Variants in EPN3 observed in about 807,000 individuals in gnomAD.
The protein encoded by EPN3 is epsin 3.
A neutral mutation model predicts 55.5 loss-of-function variants in EPN3; 56 were observed. The observed-to-expected ratio is 1.01, with a 90% CI of 0.81 to 1.26. The LOEUF (loss-of-function observed/expected upper bound fraction) is 1.26. Among genes scored for constraint, EPN3 ranks in the 50% most tolerant of loss-of-function variants. EPN3 has a pLI of 0.00. For missense variants in EPN3, 927 were observed against 853.4 expected (o/e 1.09, Z -1.07); for synonymous variants, 449 against 375.2 (o/e 1.20, Z -2.27).
At chr17:50,533,674 G>A (rs896718387) in intron 1 of EPN3, among the ~76,000 whole-genome samples, 3 of 152,152 alleles carry the variant, frequency 2.0e-5, no homozygotes, top group African/African-American at 4.8e-5. Flanking sequence ...GCCCTGAGAA[G>A]AGCAGCCCCT....
intron 6 of EPN3, among the ~76,000 whole-genome samples, 193 bp from the exon 7 acceptor site, chr17:50,540,600 G>A (rs2068615998): frequency 2.0e-5 from 3 of 152,194 alleles, no homozygotes; most frequent in Admixed American, 2.0e-4. Flanking sequence ...GGCCTGAGTC[G>A]CCCACACCTG....
In EPN3 at chr17:50,542,207, C is replaced by T; in HGVS notation, c.*50C>T. 2 of 1,413,818 alleles carry T rather than the reference C, an allele frequency of 1.4e-6. No individual in the cohort carries two copies. The highest frequency in any genetic ancestry group is 3.1e-5 in the East Asian group (1 of 32,510). 87.6% of individuals were successfully genotyped at this position (1,413,818 alleles called of 1,614,324 possible). A position where few individuals can be genotyped will look rare whatever the true frequency, so the allele number is the denominator to read the frequency against. On this transcript the variant is annotated 3_prime_UTR_variant, in exon 10 of 10. Coordinates refer to ENST00000268933, the MANE Select transcript of EPN3 (RefSeq NM_017957.3). Reference sequence around the variant, plus strand: ...TGCGCCTGCGCCGGACGCTCCGCGGCCCCGCCTCCGGACCCGGGGCTGGGC... The same window carrying T: ...TGCGCCTGCGCCGGACGCTCCGCGGTCCCGCCTCCGGACCCGGGGCTGGGC...
At chr17:50,539,785 A>G (rs1385450300) in intron 5 of EPN3, among the ~76,000 whole-genome samples, 1 of 152,212 alleles carries the variant, frequency 6.6e-6, no homozygotes, top group Non-Finnish European at 1.5e-5. Flanking sequence ...TGCCCTCCAA[A>G]GCTGTCCATG....
rs758752396 is a variant in EPN3 at position 50,542,027 on chromosome 17, T to G, written c.1769T>G (p.Leu590Trp). Residue 590 changes from leucine (L) to tryptophan (W), a missense_variant, in exon 10 of 10, where the codon TTG becomes TGG. Physicochemically the swap from Leu to Trp is moderately conservative, Grantham distance 61. Transcript: ENST00000268933. ...PLPLSSVPAGLTLPASVSVFP... is the reference protein window; with the variant it reads ...PLPLSSVPAGWTLPASVSVFP... ...CCGCTCAGCAGCGTGCCAGCTGGCT[T>G]GACCCTCCCCGCCTCGGTTAGCGTC... 59 of 1,596,762 alleles carry G rather than the reference T, an allele frequency of 3.7e-5. No individual in the cohort carries two copies. Among genetic ancestry groups the G allele is most frequent in the Non-Finnish European group, 4.8e-5 (56 of 1,178,552 alleles).
chr17:50,532,773 C>T lies in EPN3; in HGVS notation c.-349C>T, dbSNP rs936788486. The T allele has an allele frequency of 3.0e-5, 22 of 726,792 alleles. No homozygotes were observed. Among genetic ancestry groups the T allele is most frequent in the East Asian group, 8.1e-5 (1 of 12,378 alleles). 45.0% of individuals were successfully genotyped at this position (726,792 alleles called of 1,614,324 possible). On this transcript the variant is annotated 5_prime_UTR_variant, in exon 1 of 10. Coordinates refer to ENST00000268933, the MANE Select transcript of EPN3 (RefSeq NM_017957.3). ...GCGCTGGCTAGGAGGCAAACGCACG[C>T]GGGAAGAGCTGCTACCCATTCCAGG...
At chr17:50,539,793 A>G (rs1298099021) in intron 5 of EPN3, among the ~76,000 whole-genome samples, 1 of 152,234 alleles carries the variant, frequency 6.6e-6, no homozygotes, top group African/African-American at 2.4e-5. Context: ...AAAGCTGTCC[A>G]TGCCACGCCC....
rs1410741316 is a variant in EPN3, at chr17:50,536,717, C to T, written c.161C>T (p.Thr54Ile). The stretch of plus-strand genomic sequence containing the variant: ...CTGACCTTCAACACAGTGGCCTTCA[C>T]CGAAGTCATGGGCATGCTGTGGCGG... The part of the protein sequence containing the change: ...ADLTFNTVAF[T>I]EVMGMLWRRL... The change falls in exon 2 of 10, where the codon ACC (threonine) becomes ATC (isoleucine). Residue 54 changes from threonine (T) to isoleucine (I), a missense_variant. Physicochemically the swap from Thr to Ile is moderately conservative, Grantham distance 89. Coordinates refer to ENST00000268933, the MANE Select transcript of EPN3 (RefSeq NM_017957.3). 3 of 1,614,144 alleles carry T rather than the reference C, an allele frequency of 1.9e-6. No individual in the cohort carries two copies. The highest frequency in any genetic ancestry group is 2.5e-6 in the Non-Finnish European group (3 of 1,180,036).
At chr17:50,538,811 G>A (rs1025624545) in intron 3 of EPN3, 73 bp from the exon 4 acceptor site, 26 of 1,158,756 alleles carry the variant, frequency 2.2e-5, no homozygotes, top group African/African-American at 6.2e-5. Flanking sequence ...CCATGACCCA[G>A]GCAGGCCTAT....
Position 50,542,107 on chromosome 17 carries a change from G to T in EPN3, c.1849G>T (p.Ala617Ser). 6.5e-7 allele frequency: 1 copy of T among 1,542,006 alleles called. No individual in the cohort carries two copies. The highest frequency in any genetic ancestry group is 8.7e-7 in the Non-Finnish European group (1 of 1,154,394). Reference sequence around the variant, plus strand: ...GCCGCTGCTGCCCACGCCGAGCTCAGCCGGGCCGCGGCCCCCGCCCCCGCA... The same window carrying T: ...GCCGCTGCTGCCCACGCCGAGCTCATCCGGGCCGCGGCCCCCGCCCCCGCA... ...PQPLLPTPSS[A>S]GPRPPPPQTG... Residue 617 changes from alanine (A) to serine (S), a missense_variant, in exon 10 of 10, where the codon GCC becomes TCC. Transcript: ENST00000268933.
chr17:50,534,731 C>T, intron 1 of EPN3: 2 of 853,076 alleles, frequency 2.3e-6, no homozygotes, highest in Non-Finnish European at 2.8e-6. Flanking sequence ...CCAACAAAAC[C>T]TGCCAAGGCA....
At chr17:50,536,110 G>A in intron 1 of EPN3, 1 of 186,382 alleles carries the variant, frequency 5.4e-6, no homozygotes, top group Non-Finnish European at 1.1e-5. Flanking sequence ...TCTTGCCTTG[G>A]CCTCCTGAAG....
At position 50,543,041 on chromosome 17, in the gene EPN3, G is replaced by A. The variant is rs1437717868; in HGVS notation, c.*884G>A. ...TCCAAGGCCTGGAGATCCCAGGCTGGGCCCCAGATTTAATTCAGCAAATAT... is the reference window on the plus strand; with the variant it reads ...TCCAAGGCCTGGAGATCCCAGGCTGAGCCCCAGATTTAATTCAGCAAATAT... On this transcript the variant is annotated 3_prime_UTR_variant, in exon 10 of 10. Transcript: ENST00000268933. The A allele has an allele frequency of 6.6e-6, 1 of 152,228 alleles. No individual in the cohort carries two copies. The highest frequency in any genetic ancestry group is 1.5e-5 in the Non-Finnish European group (1 of 68,052). 9.4% of individuals were successfully genotyped at this position (152,228 alleles called of 1,614,324 possible).
In EPN3 at chr17:50,539,243, G is replaced by T. The variant is rs769545165; in HGVS notation, c.819G>T (p.Val273=). The T allele has an allele frequency of 6.2e-7, 1 of 1,614,172 alleles. No homozygotes were observed. Among genetic ancestry groups the T allele is most frequent in the Non-Finnish European group, 8.5e-7 (1 of 1,180,022 alleles). ...CCATGGCCAATGGTGCAGGGGCCGT[G>T]GTCCACCATCAGCGGGACAGAGAGC... ...GSPMANGAGA[V]VHHQRDREPE... The change falls in exon 5 of 10, where the codon GTG becomes GTT. Residue 273 remains valine, a synonymous_variant. Transcript: ENST00000268933.
chr17:50,534,455 G>T, intron 1 of EPN3: 3 of 985,552 alleles, frequency 3.0e-6, no homozygotes, highest in Non-Finnish European at 3.6e-6. Context: ...GCGGCCAGCC[G>T]GTAGGGGCGT....
Position 50,536,514 on chromosome 17 carries a change from C to A in EPN3, c.-43C>A, listed in dbSNP as rs374373577. 2 of 1,611,320 alleles carry A rather than the reference C, an allele frequency of 1.2e-6. No homozygotes were observed. Among genetic ancestry groups the A allele is most frequent in the African/African-American group, 2.7e-5 (2 of 74,882 alleles). ...CGCCACAGTGGCCCTCAGCCCTCCA[C>A]CTCCGGCGGGGGCGAGGGCCACCCA... On this transcript the variant is annotated 5_prime_UTR_variant, in exon 2 of 10. Coordinates refer to ENST00000268933, the MANE Select transcript of EPN3 (RefSeq NM_017957.3).
chr17:50,539,217 C>T lies in EPN3; in HGVS notation c.793C>T (p.Pro265Ser). ...GAGGTCCTGGCAGGGTGATGGCTCCCCCATGGCCAATGGTGCAGGGGCCGT... is the reference window on the plus strand; with the variant it reads ...GAGGTCCTGGCAGGGTGATGGCTCCTCCATGGCCAATGGTGCAGGGGCCGT... ...EVRSWQGDGSPMANGAGAVVH... is the reference protein window; with the variant it reads ...EVRSWQGDGSSMANGAGAVVH... Residue 265 changes from proline to serine, a missense_variant, in exon 5 of 10, where the codon CCC becomes TCC. By Grantham distance (74) the Pro-to-Ser change is moderately conservative (BLOSUM62 -1). Transcript: ENST00000268933. 5.6e-6 allele frequency: 9 copies of T among 1,614,104 alleles called. No individual in the cohort carries two copies. The highest frequency in any genetic ancestry group is 7.6e-6 in the Non-Finnish European group (9 of 1,180,004).
chr17:50,534,459 G>C (rs2034729023), intron 1 of EPN3: 2 of 985,438 alleles, frequency 2.0e-6, no homozygotes, highest in African/African-American at 3.5e-5. Flanking sequence ...CCAGCCGGTA[G>C]GGGCGTGTGC....
Position 50,536,576 on chromosome 17 carries a change from G to A in EPN3, c.20G>A (p.Arg7Gln), listed in dbSNP as rs557068444. The A allele has an allele frequency of 3.3e-5, 54 of 1,613,874 alleles. No individual in the cohort carries two copies. Among genetic ancestry groups the A allele is most frequent in the African/African-American group, 5.3e-5 (4 of 75,036 alleles). The part of the protein sequence containing the change: MTTSAL[R>Q]RQVKNIVHNY... ...CCAGCCATGACGACCTCCGCACTCC[G>A]GCGCCAGGTGAAGAACATCGTGCAC... The change falls in exon 2 of 10, where the codon CGG (arginine) becomes CAG (glutamine). Residue 7 changes from arginine to glutamine, a missense_variant. Coordinates refer to ENST00000268933, the MANE Select transcript of EPN3 (RefSeq NM_017957.3).
In EPN3 at chr17:50,541,548, G is replaced by T. The variant is rs138924150; in HGVS notation, c.1439G>T (p.Gly480Val). ...GATGCCCTGGACCTGGGCATACTAGGGGAAGCACTAACCCAGCCAAGCAAA... is the reference window on the plus strand; with the variant it reads ...GATGCCCTGGACCTGGGCATACTAGTGGAAGCACTAACCCAGCCAAGCAAA... ...EPDALDLGIL[G>V]EALTQPSKEA... The change falls in exon 9 of 10, where the codon GGG (glycine) becomes GTG (valine). Residue 480 changes from glycine to valine, a missense_variant. Coordinates refer to ENST00000268933, the MANE Select transcript of EPN3 (RefSeq NM_017957.3). The T allele has an allele frequency of 2.6e-5, 42 of 1,614,166 alleles. No individual in the cohort carries two copies. The African/African-American group carries it at 4.5e-4, about 17-fold the overall frequency.
Sources: gnomAD v4.1 joint callset for allele counts (sites outside exome capture counted in the v4.1 genomes callset) on GRCh38, gnomAD v4.1.1 for gene constraint, MANE v1.5 for transcripts, NCBI Gene and HGNC (gene_info 2026-07-23, HGNC 2026-07-21) for gene names.